KRT76: variants seen among roughly 807,000 people sequenced by gnomAD.
KRT76 encodes the protein keratin 76.
Under a neutral mutation model 44.9 loss-of-function variants are expected in KRT76, and 47 were observed. The ratio of observed to expected loss-of-function variants is 1.05; its 90% CI spans 0.83 to 1.33. KRT76 has a LOEUF of 1.33. Among genes scored for constraint, KRT76 ranks in the 40% most tolerant of loss-of-function variants. The pLI is 0.00. For synonymous variants in KRT76, 331 were observed against 294.1 expected (o/e 1.13, Z -1.28); for missense variants, 860 against 775.8 (o/e 1.11, Z -1.29).
chr12:52,772,600 G>A (rs1325359190), intron 4 of KRT76, among the ~76,000 whole-genome samples, 183 bp downstream of exon 4: 2 of 152,194 alleles, frequency 1.3e-5, no homozygotes, highest in Non-Finnish European at 2.9e-5. Context: ...AATGGCCTGA[G>A]GACCTGTGGG....
In KRT76 at chr12:52,775,433, C is replaced by G. The variant is rs778144295; in HGVS notation, c.770G>C (p.Gly257Ala). The G allele has an allele frequency of 5.6e-6, 9 of 1,614,208 alleles. No individual in the cohort carries two copies. The highest frequency in any genetic ancestry group is 1.1e-5 in the South Asian group (1 of 91,086). The change falls in exon 2 of 9, where the codon GGA becomes GCA. Residue 257 changes from glycine (G) to alanine (A), a missense_variant. Coordinates refer to ENST00000332411, the MANE Select transcript of KRT76 (RefSeq NM_015848.4). ...CAGGTCCTGCATGCTTTTCAGCTCTCCCTCCAGGTTCCCCCTCTCCCCTAG... is the reference window on the plus strand; with the variant it reads ...CAGGTCCTGCATGCTTTTCAGCTCTGCCTCCAGGTTCCCCCTCTCCCCTAG... The part of the protein sequence containing the change: ...SLLGERGNLE[G>A]ELKSMQDLVE...
At position 52,777,235 on chromosome 12, in the gene KRT76, G is replaced by T. The variant is rs199501601; in HGVS notation, c.57C>A (p.Gly19=). 6 of 1,614,102 alleles carry T rather than the reference G, an allele frequency of 3.7e-6. No individual in the cohort carries two copies. The highest frequency in any genetic ancestry group is 2.2e-5 in the South Asian group (2 of 91,090). Reference sequence around the variant, plus strand: ...TGCTGCCGGAGACCACAGCAGAGCGGCCAGAGAAACCCTGGCTCCTGCCAC... The same window carrying T: ...TGCTGCCGGAGACCACAGCAGAGCGTCCAGAGAAACCCTGGCTCCTGCCAC... ...SFSGRSQGFS[G]RSAVVSGSSR... is the part of the protein sequence containing the mutation. The change falls in exon 1 of 9, where the codon GGC becomes GGA. Residue 19 remains glycine (G), a synonymous_variant. Coordinates refer to ENST00000332411, the MANE Select transcript of KRT76 (RefSeq NM_015848.4).
intron 4 of KRT76, among the ~76,000 whole-genome samples, 158 bp downstream of exon 4, chr12:52,772,625 A>G (rs1480670787): frequency 2.6e-5 from 4 of 152,194 alleles, no homozygotes; most frequent in African/African-American, 9.7e-5. Flanking sequence ...GTCTATGCAG[A>G]CTGAAGAAGC....
At chr12:52,771,775 G>A in intron 6 of KRT76, 96 bp downstream of exon 6, 1 of 1,422,086 alleles carries the variant, frequency 7.0e-7, no homozygotes, top group Non-Finnish European at 9.5e-7. Flanking sequence ...CACCATGAAA[G>A]GATGGAGAGA....
chr12:52,776,586 G>T (rs1166082418), intron 1 of KRT76, 106 bp downstream of exon 1: 19 of 1,579,402 alleles, frequency 1.2e-5, no homozygotes, highest in Non-Finnish European at 1.6e-5. Context: ...ACCAGGACAA[G>T]AGCCAAGCGC....
chr12:52,771,003 A>T lies in KRT76; in HGVS notation c.1480T>A (p.Cys494Ser), dbSNP rs1173015301. The change falls in exon 7 of 9, where the codon TGC becomes AGC. Residue 494 changes from cysteine (C) to serine (S), a missense_variant. Transcript: ENST00000332411. ...TYRKLLEGEECRMSGECQSAV... is the reference protein window; with the variant it reads ...TYRKLLEGEESRMSGECQSAV... Reference sequence around the variant, plus strand: ...GGTGATCCCATGGCCCCTCACCTGCACTCCTCTCCCTCCAGCAGCTTGCGG... The same window carrying T: ...GGTGATCCCATGGCCCCTCACCTGCTCTCCTCTCCCTCCAGCAGCTTGCGG... The T allele has an allele frequency of 1.9e-6, 3 of 1,613,102 alleles. No individual in the cohort carries two copies. Among genetic ancestry groups the T allele is most frequent in the South Asian group, 1.1e-5 (1 of 91,002 alleles).
chr12:52,776,330 C>T (rs147482665), intron 1 of KRT76, among the ~76,000 whole-genome samples: 1 of 152,308 alleles, frequency 6.6e-6, no homozygotes, highest in East Asian at 1.9e-4. Flanking sequence ...TTTTGATTAC[C>T]AGCTACTTTG....
In KRT76 at chr12:52,769,013, G is replaced by A. The variant is rs779423229; in HGVS notation, c.1617C>T (p.Gly539=). ...VSGSGSGGYK[G]GSSSSSSSGY... is the part of the protein sequence containing the mutation. ...CACTGCTGCTGCTGCTGCTGCTGCC[G>A]CCTTTGTAGCCACCACTGCCACTGC... Residue 539 remains glycine (G), a synonymous_variant, in exon 9 of 9, where the codon GGC becomes GGT. Transcript: ENST00000332411. 32 of 866,486 alleles carry A rather than the reference G, an allele frequency of 3.7e-5. No individual in the cohort carries two copies. The highest frequency in any genetic ancestry group is 2.1e-4 in the Middle Eastern group (1 of 4,694). 53.7% of individuals were successfully genotyped at this position (866,486 alleles called of 1,614,324 possible).
Position 52,773,562 on chromosome 12 carries a change from G to C in KRT76, c.876+20C>G. On this transcript the variant is annotated intron_variant, in intron 3 of 8. Transcript: ENST00000332411. ...GCTCCCAGAAAGGAAACCTGGATATGCTGGTCCAGGCTCACCTACCTTCTT... is the reference window on the plus strand; with the variant it reads ...GCTCCCAGAAAGGAAACCTGGATATCCTGGTCCAGGCTCACCTACCTTCTT... The C allele has an allele frequency of 1.9e-6, 3 of 1,600,916 alleles. No homozygotes were observed. Among genetic ancestry groups the C allele is most frequent in the Non-Finnish European group, 2.6e-6 (3 of 1,169,548 alleles).
In KRT76 at chr12:52,768,777, C is replaced by T; in HGVS notation, c.1853G>A (p.Gly618Glu). The part of the protein sequence containing the change: ...SGGSGYKSGG[G>E]GSTSIRFSQT... The stretch of plus-strand genomic sequence containing the variant: ...GGAGAAGCGGATACTGGTGCTGCCT[C>T]CACCACCAGACTTGTAGCCACTTCC... The change falls in exon 9 of 9, where the codon GGA becomes GAA. Residue 618 changes from glycine (G) to glutamate (E), a missense_variant. Physicochemically the swap from Gly to Glu is moderately conservative, Grantham distance 98 (BLOSUM62 -2). Coordinates refer to ENST00000332411, the MANE Select transcript of KRT76 (RefSeq NM_015848.4). 6.2e-7 allele frequency: 1 copy of T among 1,612,364 alleles called. No individual in the cohort carries two copies. Among genetic ancestry groups the T allele is most frequent in the Non-Finnish European group, 8.5e-7 (1 of 1,178,504 alleles).
chr12:52,769,974 TC>T (rs1939154806), intron 7 of KRT76, among the ~76,000 whole-genome samples: 1 of 152,188 alleles, frequency 6.6e-6, no homozygotes, highest in African/African-American at 2.4e-5. Flanking sequence ...CAAGAAGGCT[TC>T]CACAATGGGC....
At chr12:52,774,746 C>T (rs1010193011) in intron 2 of KRT76, among the ~76,000 whole-genome samples, 5 of 152,198 alleles carry the variant, frequency 3.3e-5, no homozygotes, top group African/African-American at 1.2e-4. Flanking sequence ...GGAATAGGGC[C>T]TCTGCAGAGC....
At chr12:52,774,353 A>C (rs956050255) in intron 2 of KRT76, among the ~76,000 whole-genome samples, 1 of 152,194 alleles carries the variant, frequency 6.6e-6, no homozygotes, top group African/African-American at 2.4e-5. Context: ...CAATGTGTGC[A>C]TATGGAACCC....
intron 6 of KRT76, 96 bp downstream of exon 6, chr12:52,771,775 G>T (rs1454634099): frequency 7.0e-7 from 1 of 1,422,082 alleles, no homozygotes; most frequent in Non-Finnish European, 9.5e-7. Context: ...CACCATGAAA[G>T]GATGGAGAGA....
chr12:52,773,538 C>T lies in KRT76; in HGVS notation c.876+44G>A, dbSNP rs1480710311. On this transcript the variant is annotated intron_variant, in intron 3 of 8. Coordinates refer to ENST00000332411, the MANE Select transcript of KRT76 (RefSeq NM_015848.4). The stretch of plus-strand genomic sequence containing the variant: ...CTGTGCACTCTCTCCATGGGGGCAG[C>T]TCCCAGAAAGGAAACCTGGATATGC... The T allele has an allele frequency of 3.3e-6, 5 of 1,509,438 alleles. No homozygotes were observed. The South Asian group carries it at 5.7e-5, about 17-fold the overall frequency. The allele number at this position is 1,509,438 out of a possible 1,614,324, so 93.5% of individuals were successfully genotyped here.
At chr12:52,773,999 T>A (rs1939225484) in intron 2 of KRT76, among the ~76,000 whole-genome samples, 1 of 152,114 alleles carries the variant, frequency 6.6e-6, no homozygotes, top group South Asian at 2.1e-4. Context: ...GTCCAGCCAA[T>A]TTTTTAATTT....
Position 52,768,775 on chromosome 12 carries a change from C to T in KRT76, c.1855G>A (p.Gly619Ser). ...GGSGYKSGGG[G>S]STSIRFSQTT... ...TGGGAGAAGCGGATACTGGTGCTGC[C>T]TCCACCACCAGACTTGTAGCCACTT... Residue 619 changes from glycine to serine, a missense_variant, in exon 9 of 9, where the codon GGC becomes AGC. Coordinates refer to ENST00000332411, the MANE Select transcript of KRT76 (RefSeq NM_015848.4). 6.2e-7 allele frequency: 1 copy of T among 1,612,736 alleles called. No homozygotes were observed. Among genetic ancestry groups the T allele is most frequent in the African/African-American group, 1.3e-5 (1 of 74,996 alleles).
At chr12:52,773,858 G>A (rs1939223357) in intron 2 of KRT76, among the ~76,000 whole-genome samples, 1 of 148,804 alleles carries the variant, frequency 6.7e-6, no homozygotes, top group African/African-American at 2.5e-5. Context: ...CTGAGACAAG[G>A]TTTCACCCTG....
rs374789954 is a variant in KRT76, at chr12:52,775,608, T to A, written c.601-6A>T. 18 of 1,612,052 alleles carry A rather than the reference T, an allele frequency of 1.1e-5. No homozygotes were observed. The highest frequency in any genetic ancestry group is 1.3e-5 in the Non-Finnish European group (15 of 1,179,180). Reference sequence around the variant, plus strand: ...TGCTGTTCCAGGAACCGCACCTGCATGAAAGAGGGGAGAAAAGGAGTCAGC... The same window carrying A: ...TGCTGTTCCAGGAACCGCACCTGCAAGAAAGAGGGGAGAAAAGGAGTCAGC... On this transcript the variant is annotated splice_polypyrimidine_tract_variant and splice_region_variant and intron_variant, in intron 1 of 8. Coordinates refer to ENST00000332411, the MANE Select transcript of KRT76 (RefSeq NM_015848.4).
Sources: gnomAD v4.1 joint callset for allele counts (sites outside exome capture counted in the v4.1 genomes callset) on GRCh38, gnomAD v4.1.1 for gene constraint, MANE v1.5 for transcripts, NCBI Gene and HGNC (gene_info 2026-07-23, HGNC 2026-07-21) for gene names.